The following SRSF1 variants were observed in gnomAD, a reference collection of about 807,000 sequenced individuals.
SRSF1 encodes the protein serine and arginine rich splicing factor 1.
In SRSF1, 1 loss-of-function variant was observed where a neutral mutation model predicts 25.9. That is an observed-to-expected ratio of 0.04 (90% CI 0.01 to 0.18). The LOEUF is 0.18. Among genes scored for constraint, SRSF1 ranks in the 10% least tolerant of loss-of-function variants. The pLI, the probability that SRSF1 is intolerant of heterozygous loss-of-function variation, is 1.00. For missense variants in SRSF1, 65 were observed against 350.5 expected (o/e 0.19, Z 6.50); for synonymous variants, 132 against 126.2 (o/e 1.05, Z -0.31).
At position 58,007,196 on chromosome 17, in the gene SRSF1, C is replaced by A; in HGVS notation, c.-59G>T. 4 of 1,589,452 alleles carry A rather than the reference C, an allele frequency of 2.5e-6. No homozygotes were observed. Among genetic ancestry groups the A allele is most frequent in the East Asian group, 2.2e-5 (1 of 44,574 alleles). The stretch of plus-strand genomic sequence containing the variant: ...CCTTCCCACCAAGCCTAGCGCACGG[C>A]AGAGCGAGCCCGCAGCGGCACCACG... On this transcript the variant is annotated 5_prime_UTR_variant, in exon 1 of 4. Coordinates refer to ENST00000258962, the MANE Select transcript of SRSF1 (RefSeq NM_006924.5).
In SRSF1 at chr17:58,001,377, C is replaced by T. The variant is rs8819; in HGVS notation, c.*4029G>A. Among the ~76,000 whole-genome samples, 39,106 of 151,960 alleles carry T rather than the reference C, an allele frequency of 0.26. 7,317 individuals are homozygous for T. The highest frequency in any genetic ancestry group is 0.53 in the African/African-American group (21,890 of 41,420). Reference sequence around the variant, plus strand: ...ATAAAACTTAGGAAAAATCATTTTACGGGGAATCTATTCATATTCCAAACA... The same window carrying T: ...ATAAAACTTAGGAAAAATCATTTTATGGGGAATCTATTCATATTCCAAACA... On this transcript the variant is annotated 3_prime_UTR_variant, in exon 4 of 4. Transcript: ENST00000258962.
chr17:57,996,201 G>A (rs889652671), downstream of SRSF1, among the ~76,000 whole-genome samples: 3 of 151,936 alleles, frequency 2.0e-5, no homozygotes, highest in Admixed American at 6.6e-5. Flanking sequence ...AAGACTTTGG[G>A]GAGCCGGGCG....
intron 2 of SRSF1, 39 bp downstream of exon 2, chr17:58,006,304 T>A: frequency 1.3e-6 from 2 of 1,553,872 alleles, no homozygotes; most frequent in South Asian, 2.4e-5. Flanking sequence ...TAGGTAGTTT[T>A]CGTCCCTTCA....
At position 58,005,900 on chromosome 17, in the gene SRSF1, A is replaced by G. The variant is rs781290395; in HGVS notation, c.453T>C (p.Asp151=). 3 of 1,614,080 alleles carry G rather than the reference A, an allele frequency of 1.9e-6. No homozygotes were observed. Among genetic ancestry groups the G allele is most frequent in the African/African-American group, 1.3e-5 (1 of 75,038 alleles). Residue 151 remains aspartate (D), a synonymous_variant, in exon 3 of 4, where the codon GAT becomes GAC. Coordinates refer to ENST00000258962, the MANE Select transcript of SRSF1 (RefSeq NM_006924.5). The surrounding 1 kb of genome is among the most constrained non-coding windows in gnomAD (Gnocchi z 5.2). ...CGACACCAGTGCCATCTCGGTAAAC[A>G]TCAGCATAACATACATCACCTGCTT... The part of the protein sequence containing the change: ...MREAGDVCYA[D]VYRDGTGVVE...
chr17:57,996,105 T>C (rs938307610), downstream of SRSF1, among the ~76,000 whole-genome samples: 2 of 152,210 alleles, frequency 1.3e-5, no homozygotes, highest in Non-Finnish European at 2.9e-5. Context: ...AAGATTTCAA[T>C]AATGTATTTA....
chr17:58,006,753 G>A, intron 1 of SRSF1, 191 bp downstream of exon 1: 2 of 876,742 alleles, frequency 2.3e-6, no homozygotes, highest in Non-Finnish European at 3.4e-6. Flanking sequence ...TGGGCTCCGG[G>A]GACGTCCAAG....
At chr17:57,998,923 A>G (rs755903084), downstream of SRSF1, among the ~76,000 whole-genome samples, 5 of 152,242 alleles carry the variant, frequency 3.3e-5, no homozygotes, top group Admixed American at 1.3e-4. Flanking sequence ...AAGGTTTAGT[A>G]TTCTCAATGA....
At chr17:57,999,993 GAA>G (rs1313452535), downstream of SRSF1, among the ~76,000 whole-genome samples, 5 of 152,028 alleles carry the variant, frequency 3.3e-5, no homozygotes, top group Non-Finnish European at 7.4e-5. Context: ...AACTTCTTAT[GAA>G]AAGTCATGAA....
rs1292682232 is a variant in SRSF1, at chr17:58,005,359, GA to G, written c.*46del. ...AATGAAAAGATTGTACTGAATAAAG[GA>G]AAACTGTATACAACATGGGTTCTAC... On this transcript the variant is annotated 3_prime_UTR_variant, in exon 4 of 4. Coordinates refer to ENST00000258962, the MANE Select transcript of SRSF1 (RefSeq NM_006924.5). This position sits in a 1 kb window ranked among gnomAD's most constrained non-coding sequence, Gnocchi z 5.2. 6.3e-7 allele frequency: 1 copy of G among 1,596,886 alleles called. No individual in the cohort carries two copies.
Position 58,005,378 on chromosome 17 carries a change from G to A in SRSF1, c.*28C>T, listed in dbSNP as rs2075420214. 3 of 1,610,358 alleles carry A rather than the reference G, an allele frequency of 1.9e-6. No individual in the cohort carries two copies. Among genetic ancestry groups the A allele is most frequent in the East Asian group, 2.2e-5 (1 of 44,804 alleles). ...ATAAAGGAAAACTGTATACAACATG[G>A]GTTCTACAAAAAGTGTCACCAATCA... On this transcript the variant is annotated 3_prime_UTR_variant, in exon 4 of 4. Coordinates refer to ENST00000258962, the MANE Select transcript of SRSF1 (RefSeq NM_006924.5). This position sits in a 1 kb window ranked among gnomAD's most constrained non-coding sequence, Gnocchi z 5.2.
chr17:57,999,079 T>G (rs2075375339), downstream of SRSF1, among the ~76,000 whole-genome samples: 1 of 152,206 alleles, frequency 6.6e-6, no homozygotes, highest in Non-Finnish European at 1.5e-5. Context: ...CATTAACTAC[T>G]GTGTCTACTG....
the SRSF1 span, chr17:57,990,036 A>G: frequency 3.1e-6 from 1 of 320,348 alleles, no homozygotes; most frequent in South Asian, 1.6e-4. Context: ...GATGCACTCC[A>G]GAGTTTTCCT....
chr17:58,005,186 C>G lies in SRSF1; in HGVS notation c.*220G>C, dbSNP rs758743382. On this transcript the variant is annotated 3_prime_UTR_variant, in exon 4 of 4. Transcript: ENST00000258962. The surrounding 1 kb of genome is among the most constrained non-coding windows in gnomAD (Gnocchi z 5.2). ...CACAGTCTGAAGAGTATGGAGTTAA[C>G]TAAATTTAAACAATCCTGTCTATGA... is the stretch of plus-strand genomic sequence containing the variant. The G allele has an allele frequency of 5.6e-5, 33 of 593,050 alleles. No homozygotes were observed. Among genetic ancestry groups the G allele is most frequent in the Non-Finnish European group, 9.2e-5 (31 of 338,004 alleles). The allele number at this position is 593,050 out of a possible 1,614,324, so 36.7% of individuals were successfully genotyped here. A position where few individuals can be genotyped will look rare whatever the true frequency, so the allele number is the denominator to read the frequency against.
In SRSF1 at chr17:58,001,990, G is replaced by A. The variant is rs1230690374; in HGVS notation, c.*3416C>T. Among the ~76,000 whole-genome samples the A allele has an allele frequency of 6.6e-6, 1 of 152,014 alleles. No individual in the cohort carries two copies. Among genetic ancestry groups the A allele is most frequent in the Non-Finnish European group, 1.5e-5 (1 of 67,988 alleles). On this transcript the variant is annotated 3_prime_UTR_variant, in exon 4 of 4. Transcript: ENST00000258962. Reference sequence around the variant, plus strand: ...GAGTGAAGGCCATTTACATTTTTTGGTCATTTCCAAAACATTCAATGAACA... The same window carrying A: ...GAGTGAAGGCCATTTACATTTTTTGATCATTTCCAAAACATTCAATGAACA...
At position 58,001,717 on chromosome 17, in the gene SRSF1, G is replaced by A. The variant is rs925882872; in HGVS notation, c.*3689C>T. Among the ~76,000 whole-genome samples, 3 of 152,144 alleles carry A rather than the reference G, an allele frequency of 2.0e-5. No individual in the cohort carries two copies. The highest frequency in any genetic ancestry group is 1.9e-4 in the East Asian group (1 of 5,202). On this transcript the variant is annotated 3_prime_UTR_variant, in exon 4 of 4. Coordinates refer to ENST00000258962, the MANE Select transcript of SRSF1 (RefSeq NM_006924.5). ...ACTTTCTTCTAATAATTGCCAATAC[G>A]GATAGAGACCTAAAGGTCCATTTTC...
the SRSF1 span, chr17:57,991,081 G>A: frequency 6.6e-6 from 1 of 152,214 alleles, no homozygotes; most frequent in Non-Finnish European, 1.5e-5. Flanking sequence ...CTGCACATAA[G>A]CTCTGAGCCA....
At chr17:57,998,782 A>G (rs1247582323), downstream of SRSF1, among the ~76,000 whole-genome samples, 1 of 152,214 alleles carries the variant, frequency 6.6e-6, no homozygotes, top group Non-Finnish European at 1.5e-5. Flanking sequence ...TTTTCCCCCC[A>G]CAAGAAGTCC....
rs1289358011 is a variant in SRSF1 at position 58,005,910 on chromosome 17, C to T, written c.443G>A (p.Cys148Tyr). 1 of 1,614,016 alleles carries T rather than the reference C, an allele frequency of 6.2e-7. No homozygotes were observed. Among genetic ancestry groups the T allele is most frequent in the Non-Finnish European group, 8.5e-7 (1 of 1,180,024 alleles). Residue 148 changes from cysteine to tyrosine, a missense_variant, in exon 3 of 4, where the codon TGT becomes TAT. Physicochemically the swap from Cys to Tyr is radical, Grantham distance 194. Coordinates refer to ENST00000258962, the MANE Select transcript of SRSF1 (RefSeq NM_006924.5). This position sits in a 1 kb window ranked among gnomAD's most constrained non-coding sequence, Gnocchi z 5.2. ...GCCATCTCGGTAAACATCAGCATAACATACATCACCTGCTTCACGCATGTG... is the reference window on the plus strand; with the variant it reads ...GCCATCTCGGTAAACATCAGCATAATATACATCACCTGCTTCACGCATGTG... ...KDHMREAGDV[C>Y]YADVYRDGTG...
At chr17:58,000,557 C>T (rs887546885), downstream of SRSF1, among the ~76,000 whole-genome samples, 1 of 152,124 alleles carries the variant, frequency 6.6e-6, no homozygotes, top group Non-Finnish European at 1.5e-5. Context: ...TCCACTATTA[C>T]AACAGAATGT....
Sources: gnomAD v4.1 joint callset for allele counts (sites outside exome capture counted in the v4.1 genomes callset) on GRCh38, gnomAD v4.1.1 for gene constraint, Gnocchi (gnomAD v3.1) non-coding constraint, MANE v1.5 for transcripts, NCBI Gene and HGNC (gene_info 2026-07-23, HGNC 2026-07-21) for gene names.